The following RAB27B variants were observed in gnomAD, a reference collection of about 807,000 sequenced individuals.
The protein encoded by RAB27B is ras-related protein Rab-27B.
In RAB27B, 15 loss-of-function variants were observed where a neutral mutation model predicts 24.6. The ratio of observed to expected loss-of-function variants is 0.61; its 90% confidence interval spans 0.41 to 0.94. The LOEUF is 0.94. Ranked by LOEUF, RAB27B falls within the 40% of genes least tolerant of loss-of-function variation. The pLI is 0.00. For missense variants in RAB27B, 261 were observed against 266.8 expected (o/e 0.98, Z 0.15); for synonymous variants, 105 against 92.5 (o/e 1.14, Z -0.78).
At chr18:54,811,569 T>C (rs1909965592) in intron 2 of RAB27B, among the ~76,000 whole-genome samples, 1 of 152,174 alleles carries the variant, frequency 6.6e-6, no homozygotes, top group Admixed American at 6.5e-5. Context: ...TCGGTGAATC[T>C]GCATTTTTAC....
chr18:54,884,195 C>A, intron 3 of RAB27B, 138 bp from the exon 4 acceptor site: 1 of 553,652 alleles, frequency 1.8e-6, no homozygotes. Flanking sequence ...ATTTCTCTGC[C>A]CACATTCCCA....
chr18:54,770,791 G>A (rs1316192816), intron 2 of RAB27B, among the ~76,000 whole-genome samples: 1 of 151,766 alleles, frequency 6.6e-6, no homozygotes, highest in African/African-American at 2.4e-5. Flanking sequence ...GTACTTTCTA[G>A]TATTAGATAA....
intron 2 of RAB27B, among the ~76,000 whole-genome samples, chr18:54,752,754 G>A (rs1371157919): frequency 6.6e-6 from 1 of 152,150 alleles, no homozygotes; most frequent in Non-Finnish European, 1.5e-5. Context: ...AGAGATGCGT[G>A]CTGTTGTGGC....
At chr18:54,754,927 G>T (rs1292037288) in intron 2 of RAB27B, among the ~76,000 whole-genome samples, 1 of 152,094 alleles carries the variant, frequency 6.6e-6, no homozygotes, top group African/African-American at 2.4e-5. Context: ...TTTTAAAATG[G>T]TGTCAACTCT....
At chr18:54,855,879 C>G (rs1474469584) in intron 1 of RAB27B, among the ~76,000 whole-genome samples, 1 of 152,136 alleles carries the variant, frequency 6.6e-6, no homozygotes, top group Non-Finnish European at 1.5e-5. Context: ...TATGTACACC[C>G]TGAAGTTCTC....
intron 2 of RAB27B, among the ~76,000 whole-genome samples, chr18:54,773,296 A>AC (rs1265864065): frequency 6.6e-6 from 1 of 152,202 alleles, no homozygotes; most frequent in East Asian, 1.9e-4. Context: ...CTCTTGATGT[A>AC]CCTTCTAAAT....
At chr18:54,792,987 C>T (rs546733171) in intron 2 of RAB27B, among the ~76,000 whole-genome samples, 4 of 152,044 alleles carry the variant, frequency 2.6e-5, no homozygotes, top group Middle Eastern at 3.4e-3. Context: ...TCTGTATATA[C>T]GGATTTTGCA....
At chr18:54,790,015 C>T (rs1304643428) in intron 2 of RAB27B, among the ~76,000 whole-genome samples, 1 of 152,004 alleles carries the variant, frequency 6.6e-6, no homozygotes, top group Admixed American at 6.5e-5. Flanking sequence ...TTTCATAGCT[C>T]TTGTTAGTCA....
chr18:54,817,067 T>A (rs796408400), intron 2 of RAB27B, among the ~76,000 whole-genome samples: 2 of 152,264 alleles, frequency 1.3e-5, no homozygotes, highest in East Asian at 1.9e-4. Context: ...TCTCAATTTT[T>A]TAAAAAAATC....
chr18:54,742,307 C>T (rs965026525), intron 2 of RAB27B, among the ~76,000 whole-genome samples: 3 of 152,120 alleles, frequency 2.0e-5, no homozygotes, highest in African/African-American at 4.8e-5. Flanking sequence ...AAGTCATTAT[C>T]GTACATGCGG....
At chr18:54,814,062 A>G (rs968584109) in intron 2 of RAB27B, among the ~76,000 whole-genome samples, 1 of 152,146 alleles carries the variant, frequency 6.6e-6, no homozygotes, top group Non-Finnish European at 1.5e-5. Flanking sequence ...TTGTGCATCT[A>G]TTTTCATTTA....
Position 54,845,419 on chromosome 18 carries a change from AT to A in RAB27B, c.-20+16720del, listed in dbSNP as rs1233677715. On this transcript the variant is annotated intron_variant, in intron 1 of 5. Transcript: ENST00000262094. ...AGACTCCATCTCAAAAAAAAAAAAA[AT>A]AAAATAAAATCTATTTAGGAAGAAA... 7.4e-3 allele frequency among the ~76,000 whole-genome samples: 1,052 copies of A among 141,452 alleles called. 10 individuals carry two copies. The highest frequency in any genetic ancestry group is 0.012 in the Non-Finnish European group (729 of 63,342). The allele number at this position is 141,452 out of a possible 152,430, so 92.8% of individuals were successfully genotyped here.
intron 2 of RAB27B, among the ~76,000 whole-genome samples, chr18:54,799,329 C>T (rs916886640): frequency 2.0e-5 from 3 of 152,074 alleles, no homozygotes; most frequent in East Asian, 1.9e-4. Flanking sequence ...TTCTCTCAGA[C>T]TTAAGGAGAA....
At chr18:54,795,971 G>A (rs1468776838) in intron 2 of RAB27B, among the ~76,000 whole-genome samples, 7 of 152,072 alleles carry the variant, frequency 4.6e-5, no homozygotes, top group African/African-American at 7.2e-5. Context: ...GTATACACCC[G>A]TGAAGCCATC....
chr18:54,879,521 G>GTAGA, intron 3 of RAB27B, 67 bp downstream of exon 3: 1 of 1,271,480 alleles, frequency 7.9e-7, no homozygotes, highest in Non-Finnish European at 1.1e-6. Flanking sequence ...AATGAATTCT[G>GTAGA]TATGTGAACT....
At chr18:54,784,649 CTTTT>C (rs145041952) in intron 2 of RAB27B, among the ~76,000 whole-genome samples, 3 of 152,130 alleles carry the variant, frequency 2.0e-5, no homozygotes, top group African/African-American at 7.2e-5. Flanking sequence ...TGATTTTGTT[CTTTT>C]TTTATGGCTG....
intron 1 of RAB27B, among the ~76,000 whole-genome samples, chr18:54,841,842 C>A (rs576207136): frequency 6.6e-6 from 1 of 152,154 alleles, no homozygotes; most frequent in African/African-American, 2.4e-5. Flanking sequence ...AGAAATAAGA[C>A]ACCAATATAC....
chr18:54,748,680 G>T (rs1396324261), intron 2 of RAB27B, among the ~76,000 whole-genome samples: 2 of 152,172 alleles, frequency 1.3e-5, no homozygotes. Flanking sequence ...CATAGACATT[G>T]CATTTTCACA....
intron 1 of RAB27B, among the ~76,000 whole-genome samples, chr18:54,869,627 A>G (rs1912384722): frequency 6.6e-6 from 1 of 152,214 alleles, no homozygotes; most frequent in South Asian, 2.1e-4. Flanking sequence ...GCTGAAGAGG[A>G]CATTCTAAGA....
Sources: gnomAD v4.1 joint callset for allele counts (sites outside exome capture counted in the v4.1 genomes callset) on GRCh38, gnomAD v4.1.1 for gene constraint, MANE v1.5 for transcripts, NCBI Gene and HGNC (gene_info 2026-07-23, HGNC 2026-07-21) for gene names.